CHN1: variants seen among roughly 807,000 people sequenced by gnomAD.
CHN1 encodes chimerin 1.
CHN1 carries 37 observed loss-of-function variants against 59.5 expected under a neutral mutation model. The observed-to-expected ratio is 0.62, with a 90% CI of 0.48 to 0.82. The LOEUF is 0.82. Ranked by LOEUF, CHN1 falls within the 40% of genes least tolerant of loss-of-function variation. The pLI, the probability that CHN1 is intolerant of heterozygous loss-of-function variation, is 0.00. For synonymous variants in CHN1, 206 were observed against 200.4 expected (o/e 1.03, Z -0.24); for missense variants, 469 against 571.0 (o/e 0.82, Z 1.82).
At position 174,812,351 on chromosome 2, in the gene CHN1, G is replaced by T; in HGVS notation, c.844C>A (p.Pro282Thr). 6.2e-7 allele frequency: 1 copy of T among 1,613,822 alleles called. No individual in the cohort carries two copies. The highest frequency in any genetic ancestry group is 8.5e-7 in the Non-Finnish European group (1 of 1,179,814). ...TLVKAHTTKR[P>T]MVVDMCIREI... ...CTGATGCACATGTCTACCACCATTG[G>T]CCGCTTAGTGGTATGTGCTTTCACG... Residue 282 changes from proline (P) to threonine (T), a missense_variant, in exon 9 of 13, where the codon CCA (proline) becomes ACA (threonine). By Grantham distance (38) the Pro-to-Thr change is conservative. Coordinates refer to ENST00000409900, the MANE Select transcript of CHN1 (RefSeq NM_001822.7).
intron 2 of CHN1, among the ~76,000 whole-genome samples, chr2:174,945,909 CTGTGTGTG>C (rs10691439): frequency 3.3e-5 from 5 of 150,000 alleles, no homozygotes; most frequent in Admixed American, 1.3e-4. Flanking sequence ...CATAATTAGC[CTGTGTGTG>C]TGTGTGTGTG....
intron 6 of CHN1, chr2:174,847,783 A>C: frequency 1.9e-6 from 1 of 536,234 alleles, no homozygotes; most frequent in South Asian, 1.6e-5. Flanking sequence ...CAAAAAAAAA[A>C]AAAAAAAAAA....
intron 1 of CHN1, among the ~76,000 whole-genome samples, chr2:174,969,418 T>C (rs1425006115): frequency 2.6e-5 from 4 of 152,212 alleles, no homozygotes; most frequent in African/African-American, 9.6e-5. Flanking sequence ...CACCAATTTT[T>C]CAGAAACACT....
intron 7 of CHN1, among the ~76,000 whole-genome samples, chr2:174,836,179 T>C (rs1686070451): frequency 6.6e-6 from 1 of 152,160 alleles, no homozygotes; most frequent in African/African-American, 2.4e-5. Flanking sequence ...GCCTGGAAAC[T>C]GCCTCCAAGC....
intron 12 of CHN1, among the ~76,000 whole-genome samples, chr2:174,801,104 A>G (rs979826583): frequency 3.3e-5 from 5 of 152,218 alleles, no homozygotes; most frequent in Admixed American, 3.3e-4. Flanking sequence ...TTCAACTGAT[A>G]GAGATCGAGG....
intron 5 of CHN1, among the ~76,000 whole-genome samples, chr2:174,885,908 T>C (rs1472667094): frequency 1.3e-5 from 2 of 152,254 alleles, no homozygotes; most frequent in African/African-American, 4.8e-5. Context: ...CAGAAAAGTA[T>C]TTTACATGCA....
In CHN1 at chr2:174,805,730, A is replaced by T. The variant is rs147919474; in HGVS notation, c.1102+3175T>A. ...AAGATCTAATTAAAAGCTCTTCTACAGTATGTCTAGTTAATTTTACACAGA... is the reference window on the plus strand; with the variant it reads ...AAGATCTAATTAAAAGCTCTTCTACTGTATGTCTAGTTAATTTTACACAGA... On this transcript the variant is annotated intron_variant, in intron 11 of 12. Transcript: ENST00000409900. Among the ~76,000 whole-genome samples, 291 of 152,338 alleles carry T rather than the reference A, an allele frequency of 1.9e-3. 1 individual carries two copies. The highest frequency in any genetic ancestry group is 6.8e-3 in the African/African-American group (284 of 41,582).
intron 1 of CHN1, among the ~76,000 whole-genome samples, chr2:174,983,210 T>C (rs1691217281): frequency 6.6e-6 from 1 of 152,218 alleles, no homozygotes; most frequent in Non-Finnish European, 1.5e-5. Flanking sequence ...TGTATTTTAC[T>C]TTTTTAGTTC....
At chr2:174,978,677 T>G (rs1691035829) in intron 1 of CHN1, among the ~76,000 whole-genome samples, 1 of 152,244 alleles carries the variant, frequency 6.6e-6, no homozygotes, top group African/African-American at 2.4e-5. Flanking sequence ...GGTTCTTTTT[T>G]CACTTACATT....
At position 174,843,474 on chromosome 2, in the gene CHN1, C is replaced by T. The variant is rs182719476; in HGVS notation, c.627+3406G>A. Among the ~76,000 whole-genome samples the T allele has an allele frequency of 4.5e-3, 679 of 152,060 alleles. 6 individuals carry two copies. Among genetic ancestry groups the T allele is most frequent in the African/African-American group, 0.015 (639 of 41,498 alleles). On this transcript the variant is annotated intron_variant, in intron 7 of 12. Coordinates refer to ENST00000409900, the MANE Select transcript of CHN1 (RefSeq NM_001822.7). ...AGATGTTCTCAATCTCCTGACCTTT[C>T]GATCTGCCCACCTCGGCCTCCCAAA...
At chr2:174,987,588 C>T (rs1413779578) in intron 1 of CHN1, among the ~76,000 whole-genome samples, 2 of 151,758 alleles carry the variant, frequency 1.3e-5, no homozygotes, top group Admixed American at 6.6e-5. Context: ...TTTGTATTAG[C>T]CCGCCACCAG....
intron 1 of CHN1, among the ~76,000 whole-genome samples, chr2:174,970,789 A>T (rs1261410838): frequency 6.6e-6 from 1 of 152,238 alleles, no homozygotes; most frequent in Non-Finnish European, 1.5e-5. Flanking sequence ...CCACTTGTCA[A>T]GTGTTAGTGT....
chr2:174,871,542 T>G (rs1687407874), intron 6 of CHN1, among the ~76,000 whole-genome samples: 1 of 152,166 alleles, frequency 6.6e-6, no homozygotes, highest in Admixed American at 6.5e-5. Flanking sequence ...AAAAAAGCCT[T>G]GAAACTGCGG....
At chr2:174,993,968 T>C (rs1691628782) in intron 1 of CHN1, among the ~76,000 whole-genome samples, 1 of 152,242 alleles carries the variant, frequency 6.6e-6, no homozygotes, top group African/African-American at 2.4e-5. Flanking sequence ...GATTATGTTG[T>C]TTTTATTTTC....
At chr2:174,964,037 G>C (rs1233608107) in intron 1 of CHN1, among the ~76,000 whole-genome samples, 1 of 152,176 alleles carries the variant, frequency 6.6e-6, no homozygotes, top group Non-Finnish European at 1.5e-5. Flanking sequence ...CCTTGTCAGA[G>C]AATTTTTTCA....
rs575156901 is a variant in CHN1 at position 174,936,494 on chromosome 2, T to C, written c.114+8394A>G. On this transcript the variant is annotated intron_variant, in intron 3 of 12. Transcript: ENST00000409900. ...TACTTGTGTCTACTCAGTCACTCTA[T>C]ATACATACATGCACACACACACATA... Among the ~76,000 whole-genome samples the C allele has an allele frequency of 2.6e-5, 4 of 152,340 alleles. No individual in the cohort carries two copies. In the East Asian group the frequency reaches 7.7e-4, roughly 29 times the overall value.
At position 174,924,211 on chromosome 2, in the gene CHN1, G is replaced by C. The variant is rs186689334; in HGVS notation, c.115-5646C>G. 6.6e-5 allele frequency among the ~76,000 whole-genome samples: 10 copies of C among 152,218 alleles called. No homozygotes were observed. In the East Asian group the frequency reaches 1.9e-3, roughly 29 times the overall value. ...TGTAAAGAAAATTTCCATATGTAAA[G>C]ATGTACTCTTCTACCATACTAGGAA... On this transcript the variant is annotated intron_variant, in intron 3 of 12. Transcript: ENST00000409900.
chr2:174,800,513 A>C (rs1467320348), intron 12 of CHN1, among the ~76,000 whole-genome samples: 1 of 152,256 alleles, frequency 6.6e-6, no homozygotes, highest in Non-Finnish European at 1.5e-5. Flanking sequence ...GCCTGAGTTA[A>C]TGTGCTGCAC....
intron 6 of CHN1, among the ~76,000 whole-genome samples, chr2:174,854,245 A>G (rs1279154021): frequency 2.6e-5 from 4 of 152,106 alleles, no homozygotes; most frequent in African/African-American, 7.2e-5. Flanking sequence ...CCAAACTGAG[A>G]ACCACTTTTC....
Sources: gnomAD v4.1 joint callset for allele counts (sites outside exome capture counted in the v4.1 genomes callset) on GRCh38, gnomAD v4.1.1 for gene constraint, MANE v1.5 for transcripts, NCBI Gene and HGNC (gene_info 2026-07-23, HGNC 2026-07-21) for gene names.